TTC13: variants seen among roughly 807,000 people sequenced by gnomAD.
TTC13 encodes the protein tetratricopeptide repeat protein 13.
A neutral mutation model predicts 120.0 loss-of-function variants in TTC13; 62 were observed. The ratio of observed to expected loss-of-function variants is 0.52; its 90% CI spans 0.42 to 0.64. TTC13 has a LOEUF of 0.64. Among genes scored for constraint, TTC13 ranks in the 30% least tolerant of loss-of-function variants. The pLI is 0.00. For missense variants in TTC13, 824 were observed against 1,050.2 expected (o/e 0.78, Z 2.98); for synonymous variants, 384 against 393.5 (o/e 0.98, Z 0.28).
chr1:230,937,087 G>T (rs1310671692), intron 8 of TTC13, among the ~76,000 whole-genome samples: 1 of 152,224 alleles, frequency 6.6e-6, no homozygotes, highest in Non-Finnish European at 1.5e-5. Flanking sequence ...GGTAGGACTA[G>T]TTTGCTGAGG....
At chr1:230,926,499 T>G (rs114078175) in intron 12 of TTC13, among the ~76,000 whole-genome samples, 2 of 152,166 alleles carry the variant, frequency 1.3e-5, no homozygotes, top group African/African-American at 4.8e-5. Context: ...AAGTGTTGAA[T>G]AGAAATCACA....
intron 1 of TTC13, among the ~76,000 whole-genome samples, chr1:230,976,008 T>G (rs1036503556): frequency 6.6e-6 from 1 of 152,176 alleles, no homozygotes; most frequent in Admixed American, 6.5e-5. Flanking sequence ...TGTAAGAAGG[T>G]ATGCAGATTT....
rs532995172 is a variant in TTC13 at position 230,958,216 on chromosome 1, A to G, written c.442+8T>C. On this transcript the variant is annotated splice_region_variant and intron_variant, in intron 3 of 22. Coordinates refer to ENST00000366661, the MANE Select transcript of TTC13 (RefSeq NM_024525.5). ...TATTACAGGAATATTACCAGATTCA[A>G]GTCTTACCTAACTCTTCATTTGTGC... is the stretch of plus-strand genomic sequence containing the variant. 1.2e-6 allele frequency: 2 copies of G among 1,611,926 alleles called. No homozygotes were observed. The highest frequency in any genetic ancestry group is 1.3e-5 in the African/African-American group (1 of 74,856).
intron 2 of TTC13, among the ~76,000 whole-genome samples, chr1:230,960,450 G>A (rs77248780): frequency 0.054 from 8,253 of 152,158 alleles, 435 homozygotes; most frequent in African/African-American, 0.14. Context: ...AGTCTAATTC[G>A]AGAGTTTTCC....
At chr1:230,916,671 G>A (rs901777575) in intron 17 of TTC13, among the ~76,000 whole-genome samples, 10 of 152,154 alleles carry the variant, frequency 6.6e-5, no homozygotes, top group Admixed American at 6.5e-4. Context: ...CTAACATCCC[G>A]TAACTCAAAA....
chr1:230,933,514 A>T lies in TTC13; in HGVS notation c.983+265T>A, dbSNP rs375668305. The stretch of plus-strand genomic sequence containing the variant: ...CAATAGCTTACAATGCCACTATTCA[A>T]AACAACCCTTGAAGGATGAACGTTT... On this transcript the variant is annotated intron_variant, in intron 9 of 22. Coordinates refer to ENST00000366661, the MANE Select transcript of TTC13 (RefSeq NM_024525.5). Among the ~76,000 whole-genome samples, 3 of 152,324 alleles carry T rather than the reference A, an allele frequency of 2.0e-5. No homozygotes were observed. In the South Asian group the frequency reaches 6.2e-4, roughly 32 times the overall value.
intron 18 of TTC13, among the ~76,000 whole-genome samples, chr1:230,915,513 T>C (rs2102757794): frequency 6.6e-6 from 1 of 152,218 alleles, no homozygotes; most frequent in East Asian, 1.9e-4. Flanking sequence ...CAATGAGAAA[T>C]ACCCTAAGTG....
intron 18 of TTC13, among the ~76,000 whole-genome samples, chr1:230,914,692 C>T (rs1386923592): frequency 5.3e-5 from 8 of 152,042 alleles, no homozygotes; most frequent in Non-Finnish European, 8.8e-5. Flanking sequence ...TGCGCCCGGC[C>T]GACTTTCTTA....
chr1:230,952,836 T>C (rs889430398), intron 4 of TTC13, among the ~76,000 whole-genome samples: 2 of 152,160 alleles, frequency 1.3e-5, no homozygotes, highest in African/African-American at 4.8e-5. Flanking sequence ...AAATAAAAAA[T>C]TTAAACAATG....
chr1:230,934,660 T>C lies in TTC13; in HGVS notation c.901-799A>G, dbSNP rs1217345165. On this transcript the variant is annotated intron_variant, in intron 8 of 22. Coordinates refer to ENST00000366661, the MANE Select transcript of TTC13 (RefSeq NM_024525.5). ...TAAATGTACTTTTCACTGTGACTTA[T>C]ACACTGCAATAAAAAAAATTACGAC... Among the ~76,000 whole-genome samples, 22 of 152,194 alleles carry C rather than the reference T, an allele frequency of 1.4e-4. 1 individual carries two copies. Among genetic ancestry groups the C allele is most frequent in the Non-Finnish European group, 2.8e-4 (19 of 68,034 alleles).
intron 22 of TTC13, among the ~76,000 whole-genome samples, chr1:230,907,787 G>A (rs1379734917): frequency 6.6e-6 from 1 of 152,190 alleles, no homozygotes; most frequent in African/African-American, 2.4e-5. Flanking sequence ...AACTGGGGGT[G>A]GTTGGGATGT....
chr1:230,919,484 C>A (rs1672369208), intron 17 of TTC13, among the ~76,000 whole-genome samples: 1 of 152,212 alleles, frequency 6.6e-6, no homozygotes, highest in Non-Finnish European at 1.5e-5. Context: ...CATATGTGCA[C>A]TGAGGATTCC....
In TTC13 at chr1:230,914,392, ATT is replaced by A. The variant is rs554358679; in HGVS notation, c.2094-1636_2094-1635del. On this transcript the variant is annotated intron_variant, in intron 18 of 22. Coordinates refer to ENST00000366661, the MANE Select transcript of TTC13 (RefSeq NM_024525.5). ...CATAGTTAAGTATATTTTCCTTATT[ATT>A]TTCTTTTTTTTTCTCTTTTTGAGAT... is the stretch of plus-strand genomic sequence containing the variant. Among the ~76,000 whole-genome samples, 347 of 103,858 alleles carry A rather than the reference ATT, an allele frequency of 3.3e-3. 1 individual carries two copies. The highest frequency in any genetic ancestry group is 5.1e-3 in the Non-Finnish European group (241 of 47,278). The allele number at this position is 103,858 out of a possible 152,430, so 68.1% of individuals were successfully genotyped here.
At chr1:230,911,610 G>A in intron 19 of TTC13, 61 bp from the exon 20 acceptor site, 1 of 1,060,090 alleles carries the variant, frequency 9.4e-7, no homozygotes, top group Non-Finnish European at 1.4e-6. Flanking sequence ...TTTTTCATTA[G>A]GTGACAGAAC....
Position 230,961,303 on chromosome 1 carries a change from T to C in TTC13, c.272A>G (p.Glu91Gly), listed in dbSNP as rs1478707716. ...WGDQYSAECG[E>G]SSFLNFHDSD... ...GTCATGGAAGTTCAAAAAGGATGAC[T>C]CTGAAAGGCAAGCATTCTTTGTTAT... Residue 91 changes from glutamate to glycine, a missense_variant and splice_region_variant, in exon 2 of 23, where the codon GAG becomes GGG. This residue lies in a region of TTC13 where 160 missense variants were observed against 137.2 expected (regional missense o/e 1.17). Coordinates refer to ENST00000366661, the MANE Select transcript of TTC13 (RefSeq NM_024525.5). The C allele has an allele frequency of 1.9e-6, 3 of 1,610,080 alleles. No individual in the cohort carries two copies. The highest frequency in any genetic ancestry group is 2.5e-6 in the Non-Finnish European group (3 of 1,177,018).
chr1:230,939,252 C>T, intron 8 of TTC13, 134 bp downstream of exon 8: 1 of 481,914 alleles, frequency 2.1e-6, no homozygotes, highest in Non-Finnish European at 3.7e-6. Context: ...CTTTCTGTAT[C>T]TCCCTCCAAG....
chr1:230,917,623 T>A (rs766675136), intron 17 of TTC13, among the ~76,000 whole-genome samples: 6 of 152,158 alleles, frequency 3.9e-5, no homozygotes, highest in Non-Finnish European at 7.3e-5. Flanking sequence ...AAATGGAATG[T>A]CATCCCACCG....
intron 18 of TTC13, 62 bp downstream of exon 18, chr1:230,916,130 AT>A (rs1671999892): frequency 1.6e-6 from 2 of 1,235,494 alleles, no homozygotes; most frequent in Non-Finnish European, 2.4e-6. Flanking sequence ...TATAGTGACA[AT>A]AAGCACAGGC....
At position 230,931,854 on chromosome 1, in the gene TTC13, G is replaced by C; in HGVS notation, c.1007C>G (p.Ala336Gly). ...AYRELGNFEA[A>G]TESFQKALLL... ...CAGTGCCTTTTGAAAGCTCTCAGTG[G>C]CTGCTTCAAAATTGCCCAGTTCTCT... The change falls in exon 10 of 23, where the codon GCC (alanine) becomes GGC (glycine). Residue 336 changes from alanine to glycine, a missense_variant. Transcript: ENST00000366661. The C allele has an allele frequency of 6.2e-7, 1 of 1,614,086 alleles. No homozygotes were observed. Among genetic ancestry groups the C allele is most frequent in the Non-Finnish European group, 8.5e-7 (1 of 1,179,992 alleles).
Sources: allele counts gnomAD v4.1 joint callset (sites outside exome capture counted in the v4.1 genomes callset), GRCh38; gene constraint gnomAD v4.1.1; regional missense constraint gnomAD v4.1.1; transcripts MANE v1.5; gene names NCBI Gene and HGNC (gene_info 2026-07-23, HGNC 2026-07-21).